The following NREP variants were observed in gnomAD, a reference collection of about 807,000 sequenced individuals.
NREP encodes the protein neuronal regeneration related protein.
A neutral mutation model predicts 8.6 loss-of-function variants in NREP; 5 were observed. The observed-to-expected ratio is 0.58, with a 90% CI of 0.30 to 1.22. NREP has a LOEUF of 1.22. Ranked by LOEUF, NREP falls within the 50% of genes most tolerant of loss-of-function variation. NREP has a pLI of 0.07. For synonymous variants in NREP, 27 were observed against 28.0 expected (o/e 0.96, Z 0.11); for missense variants, 86 against 82.5 (o/e 1.04, Z -0.17).
At chr5:111,971,245 A>C (rs1360216003) in intron 2 of NREP, among the ~76,000 whole-genome samples, 2 of 152,204 alleles carry the variant, frequency 1.3e-5, no homozygotes, top group African/African-American at 4.8e-5. Context: ...GATTAAAGTA[A>C]ATATGTCTCC....
Position 111,809,918 on chromosome 5 carries a change from T to C in NREP, c.136-74411A>G, listed in dbSNP as rs1238699198. 2.7e-5 allele frequency among the ~76,000 whole-genome samples: 4 copies of C among 149,388 alleles called. No homozygotes were observed. The East Asian group carries it at 5.9e-4, about 22-fold the overall frequency. On this transcript the variant is annotated intron_variant, in intron 2 of 3. Transcript: ENST00000395634. ...GTGTGTGTGTGTGTGTGTGTATTCA[T>C]GGTGGAGTTATTGATAAAATAACAG...
chr5:111,893,488 C>CTT (rs770451018), intron 2 of NREP, among the ~76,000 whole-genome samples: 1 of 151,556 alleles, frequency 6.6e-6, no homozygotes, highest in Non-Finnish European at 1.5e-5. Context: ...TCTGGTGAAA[C>CTT]TTTTTTGTAT....
chr5:111,801,760 A>C (rs949982616), intron 2 of NREP, among the ~76,000 whole-genome samples: 42 of 152,364 alleles, frequency 2.8e-4, no homozygotes, highest in African/African-American at 9.9e-4. Context: ...GATGAACAAT[A>C]AAATTTATTC....
chr5:111,968,388 AC>A (rs1756705926), intron 2 of NREP, among the ~76,000 whole-genome samples: 1 of 152,196 alleles, frequency 6.6e-6, no homozygotes, highest in East Asian at 1.9e-4. Flanking sequence ...CATTTCTAGT[AC>A]AGAAACTGGA....
At chr5:111,756,372 T>G (rs1382362078) in intron 1 of NREP, 1 of 457,174 alleles carries the variant, frequency 2.2e-6, no homozygotes, top group Non-Finnish European at 2.9e-6. Flanking sequence ...TCCTTCTCCC[T>G]AAACCAAATA....
chr5:111,855,582 C>T (rs957969682), intron 2 of NREP, among the ~76,000 whole-genome samples: 1 of 152,180 alleles, frequency 6.6e-6, no homozygotes. Flanking sequence ...AGGGCCCTGA[C>T]TGACAGGCCA....
chr5:111,923,763 A>T (rs1319637763), intron 2 of NREP, among the ~76,000 whole-genome samples: 1 of 152,188 alleles, frequency 6.6e-6, no homozygotes, highest in Admixed American at 6.5e-5. Context: ...TCCCAGGGTC[A>T]TTCCCTTTCT....
chr5:111,864,984 C>CT (rs930197566), intron 2 of NREP, among the ~76,000 whole-genome samples: 9 of 152,040 alleles, frequency 5.9e-5, no homozygotes, highest in South Asian at 2.1e-4. Context: ...ATAAAGTAAA[C>CT]TTTTTTTGTG....
Position 111,904,037 on chromosome 5 carries a change from TA to T in NREP, c.135+71236del, listed in dbSNP as rs1243729505. ...TAATACTTGAGAAACATCTTAAGAA[TA>T]TTTTTATAATTAATACACTATTTTT... On this transcript the variant is annotated intron_variant, in intron 2 of 3. Transcript: ENST00000395634. 7.2e-5 allele frequency among the ~76,000 whole-genome samples: 11 copies of T among 152,160 alleles called. 1 individual carries two copies. Among genetic ancestry groups the T allele is most frequent in the African/African-American group, 2.7e-4 (11 of 41,452 alleles).
intron 2 of NREP, among the ~76,000 whole-genome samples, chr5:111,945,884 T>A (rs1372063168): frequency 2.0e-5 from 3 of 152,046 alleles, no homozygotes; most frequent in Non-Finnish European, 4.4e-5. Context: ...GTTTCTTACA[T>A]TTACTGTAGA....
At chr5:111,735,292 C>T (rs1223643636) in intron 3 of NREP, 138 bp downstream of exon 3, 2 of 522,108 alleles carry the variant, frequency 3.8e-6, no homozygotes, top group South Asian at 3.2e-5. Context: ...ACATTATTTC[C>T]AAGGTCATCA....
chr5:111,929,845 T>C (rs116503649), intron 2 of NREP, among the ~76,000 whole-genome samples: 3,356 of 152,298 alleles, frequency 0.022, 49 homozygotes, highest in Non-Finnish European at 0.028. Flanking sequence ...AATGGATGAA[T>C]GAAAACCTAT....
intron 2 of NREP, among the ~76,000 whole-genome samples, chr5:111,967,695 G>A (rs1756683949): frequency 6.6e-6 from 1 of 152,076 alleles, no homozygotes; most frequent in Admixed American, 6.5e-5. Flanking sequence ...GGGATGTGAG[G>A]ATCGCCTCTG....
chr5:111,818,829 T>G (rs1752451243), intron 2 of NREP, among the ~76,000 whole-genome samples: 1 of 152,172 alleles, frequency 6.6e-6, no homozygotes, highest in African/African-American at 2.4e-5. Context: ...CAGGTTAAAA[T>G]GAAAGAATTA....
intron 2 of NREP, among the ~76,000 whole-genome samples, chr5:111,943,150 T>C (rs182985108): frequency 1.2e-4 from 19 of 152,186 alleles, no homozygotes; most frequent in Non-Finnish European, 2.5e-4. Flanking sequence ...CTCCACTCTG[T>C]CCTCTGGCAA....
chr5:111,854,540 G>T (rs1753383728), intron 2 of NREP, among the ~76,000 whole-genome samples: 1 of 152,154 alleles, frequency 6.6e-6, no homozygotes, highest in African/African-American at 2.4e-5. Flanking sequence ...AAACATGTGG[G>T]TTAGACTAGA....
chr5:111,901,994 T>C (rs187081083), intron 2 of NREP, among the ~76,000 whole-genome samples: 1 of 152,052 alleles, frequency 6.6e-6, no homozygotes, highest in East Asian at 1.9e-4. Context: ...ATAGTCACAG[T>C]AATACTGAGC....
chr5:111,735,365 A>G, intron 3 of NREP, 65 bp downstream of exon 3: 1 of 1,143,808 alleles, frequency 8.7e-7, no homozygotes, highest in Non-Finnish European at 1.3e-6. Context: ...AAAAGCTCTG[A>G]TATTTTAAAA....
At chr5:111,919,991 C>A (rs1213073296) in intron 2 of NREP, among the ~76,000 whole-genome samples, 2 of 134,926 alleles carry the variant, frequency 1.5e-5, no homozygotes, top group Non-Finnish European at 3.1e-5. Flanking sequence ...CCCCCACACA[C>A]ACAAAGAAGT....
Sources: allele counts gnomAD v4.1 joint callset (sites outside exome capture counted in the v4.1 genomes callset), GRCh38; gene constraint gnomAD v4.1.1; transcripts MANE v1.5; gene names NCBI Gene and HGNC (gene_info 2026-07-23, HGNC 2026-07-21).